Variants in RB1 observed in about 807,000 individuals in gnomAD.
RB1 encodes the protein retinoblastoma-associated protein.
In RB1, 18 loss-of-function variants were observed where a neutral mutation model predicts 135.4. That is an observed-to-expected ratio of 0.13 (90% confidence interval 0.09 to 0.20). RB1 has a LOEUF of 0.20. Among genes scored for constraint, RB1 ranks in the 10% least tolerant of loss-of-function variants. The probability of loss-of-function intolerance (pLI) is 1.00; values close to 1 mark genes in which losing one functional copy is unlikely to be tolerated. For missense variants in RB1, 868 were observed against 1,110.0 expected (o/e 0.78, Z 3.10); for synonymous variants, 365 against 373.2 (o/e 0.98, Z 0.25).
chr13:48,352,989 T>C (rs936622697), intron 6 of RB1, among the ~76,000 whole-genome samples: 13 of 152,092 alleles, frequency 8.5e-5, no homozygotes, highest in African/African-American at 3.1e-4. Context: ...TGGCTGTGGG[T>C]TAGTTATAGG....
At chr13:48,373,799 T>A (rs926808217) in intron 12 of RB1, among the ~76,000 whole-genome samples, 2 of 152,184 alleles carry the variant, frequency 1.3e-5, no homozygotes, top group African/African-American at 4.8e-5. Flanking sequence ...ATAATTACTT[T>A]AGTGGTATTA....
Position 48,412,139 on chromosome 13 carries a change from C to G in RB1, c.1695+30696C>G, listed in dbSNP as rs1173877658. The G allele has an allele frequency of 5.0e-6, 8 of 1,613,716 alleles. No homozygotes were observed. Among genetic ancestry groups the G allele is most frequent in the Non-Finnish European group, 5.9e-6 (7 of 1,179,950 alleles). ...TGCTTCCGTACATGTTGGTATAAAA[C>G]AGCATCACAGAAATCTTACAAAGTA... On this transcript the variant is annotated intron_variant, in intron 17 of 26. Coordinates refer to ENST00000267163, the MANE Select transcript of RB1 (RefSeq NM_000321.3).
intron 17 of RB1, among the ~76,000 whole-genome samples, chr13:48,388,725 T>A (rs1269337275): frequency 6.6e-6 from 1 of 152,030 alleles, no homozygotes; most frequent in African/African-American, 2.4e-5. Context: ...GAATATAGTA[T>A]GAGAAGAGAA....
At chr13:48,318,908 G>A in intron 2 of RB1, 1 of 1,169,624 alleles carries the variant, frequency 8.5e-7, no homozygotes, top group Non-Finnish European at 1.3e-6. Flanking sequence ...GCTGTCCACG[G>A]AGCTACTGTC....
At chr13:48,406,158 G>A (rs75802412) in intron 17 of RB1, among the ~76,000 whole-genome samples, 2 of 151,972 alleles carry the variant, frequency 1.3e-5, no homozygotes, top group African/African-American at 2.4e-5. Flanking sequence ...ATTGTGTCTT[G>A]AGGATCAATA....
chr13:48,467,295 A>G (rs1356837764), intron 23 of RB1, among the ~76,000 whole-genome samples: 14 of 127,186 alleles, frequency 1.1e-4, no homozygotes, highest in Admixed American at 2.5e-4. Flanking sequence ...AGAATTTCAT[A>G]TCCAGCCAAA....
chr13:48,473,597 A>G (rs1949485967), intron 24 of RB1, among the ~76,000 whole-genome samples: 1 of 152,130 alleles, frequency 6.6e-6, no homozygotes, highest in Non-Finnish European at 1.5e-5. Flanking sequence ...TGAACTTCAA[A>G]ACTTTTCTAA....
At chr13:48,381,758 C>G (rs1430496961) in intron 17 of RB1, among the ~76,000 whole-genome samples, 3 of 152,112 alleles carry the variant, frequency 2.0e-5, no homozygotes. Context: ...AGGTTTGTTA[C>G]ATATGTATAC....
intron 17 of RB1, chr13:48,416,339 T>C (rs1948909665): frequency 6.6e-6 from 1 of 152,256 alleles, no homozygotes; most frequent in South Asian, 2.1e-4. Context: ...GCCAGGGAAC[T>C]TCCTCCCCTA....
chr13:48,342,556 G>A, intron 2 of RB1, 43 bp from the exon 3 acceptor site: 1 of 1,187,480 alleles, frequency 8.4e-7, no homozygotes, highest in East Asian at 2.3e-5. Flanking sequence ...TCCAGTGTGT[G>A]AATTATTTAA....
At chr13:48,384,780 G>A (rs1052795022) in intron 17 of RB1, among the ~76,000 whole-genome samples, 1 of 152,092 alleles carries the variant, frequency 6.6e-6, no homozygotes, top group Non-Finnish European at 1.5e-5. Flanking sequence ...TTGCTTGACA[G>A]CCTTGAGATA....
chr13:48,338,076 T>A (rs1226155625), intron 2 of RB1, among the ~76,000 whole-genome samples: 5 of 152,214 alleles, frequency 3.3e-5, no homozygotes, highest in Non-Finnish European at 7.4e-5. Flanking sequence ...CTTCGCTTTG[T>A]GGGTAACCCT....
At chr13:48,411,542 T>C (rs1204424954) in intron 17 of RB1, 5 of 1,613,738 alleles carry the variant, frequency 3.1e-6, no homozygotes, top group Non-Finnish European at 4.2e-6. Context: ...TTGTGTCCGA[T>C]GTAAAGTAGT....
At chr13:48,366,311 A>G (rs1231178957) in intron 9 of RB1, among the ~76,000 whole-genome samples, 2 of 152,228 alleles carry the variant, frequency 1.3e-5, no homozygotes, top group South Asian at 2.1e-4. Context: ...AATATTTCAC[A>G]TAATATAGCC....
At chr13:48,359,132 T>C (rs1158801791) in intron 6 of RB1, among the ~76,000 whole-genome samples, 4 of 152,062 alleles carry the variant, frequency 2.6e-5, no homozygotes, top group Non-Finnish European at 5.9e-5. Context: ...ATGTATGACA[T>C]GGAGCCATAA....
chr13:48,352,381 T>A lies in RB1; in HGVS notation c.607+3358T>A, dbSNP rs577935634. Among the ~76,000 whole-genome samples the A allele has an allele frequency of 5.6e-3, 851 of 151,288 alleles. 5 individuals carry two copies. The highest frequency in any genetic ancestry group is 0.01 in the Middle Eastern group (3 of 294). ...AATTTTAAAATAGTTTTTTTTTTTT[T>A]ATTTCTGTGAAGAATGTCATTGGTA... On this transcript the variant is annotated intron_variant, in intron 6 of 26. Transcript: ENST00000267163.
intron 17 of RB1, among the ~76,000 whole-genome samples, chr13:48,438,804 T>C (rs1266158244): frequency 1.3e-5 from 2 of 152,226 alleles, no homozygotes; most frequent in African/African-American, 4.8e-5. Flanking sequence ...CAATAAATGT[T>C]ATCTGTTAAG....
At chr13:48,304,588 C>T (rs899891792) in intron 1 of RB1, among the ~76,000 whole-genome samples, 4 of 152,016 alleles carry the variant, frequency 2.6e-5, no homozygotes, top group African/African-American at 7.2e-5. Context: ...TGTCCATTGC[C>T]CACAGGATAC....
At chr13:48,382,614 A>G (rs1429353338) in intron 17 of RB1, among the ~76,000 whole-genome samples, 1 of 152,084 alleles carries the variant, frequency 6.6e-6, no homozygotes, top group African/African-American at 2.4e-5. Context: ...AGATGGGTAG[A>G]TTGTAAAAGT....
Sources: allele counts gnomAD v4.1 joint callset (sites outside exome capture counted in the v4.1 genomes callset), GRCh38; gene constraint gnomAD v4.1.1; transcripts MANE v1.5; gene names NCBI Gene and HGNC (gene_info 2026-07-23, HGNC 2026-07-21).